ARSG: variants seen among roughly 807,000 people sequenced by gnomAD.
ARSG encodes the protein ASG.
ARSG carries 37 observed loss-of-function variants against 50.5 expected under a neutral mutation model. That is an observed-to-expected ratio of 0.73 (90% CI 0.56 to 0.96). The LOEUF is 0.96. ARSG is among the 50% of genes least tolerant of loss of function. The pLI is 0.00. For missense variants in ARSG, 629 were observed against 675.3 expected (o/e 0.93, Z 0.76); for synonymous variants, 225 against 254.6 (o/e 0.88, Z 1.11).
intron 2 of ARSG, among the ~76,000 whole-genome samples, chr17:68,309,279 G>A (rs896279738): frequency 7.9e-5 from 12 of 152,228 alleles, no homozygotes; most frequent in Non-Finnish European, 8.8e-5. Flanking sequence ...CCCAGTTCCC[G>A]CTCGCGCCTC....
Position 68,399,051 on chromosome 17 carries a change from G to C in ARSG, c.1213-2309G>C, listed in dbSNP as rs533867104. Among the ~76,000 whole-genome samples the C allele has an allele frequency of 3.3e-5, 5 of 152,308 alleles. No individual in the cohort carries two copies. In the East Asian group the frequency reaches 9.7e-4, roughly 29 times the overall value. On this transcript the variant is annotated intron_variant, in intron 10 of 11. Transcript: ENST00000621439. This position sits in a 1 kb window ranked among gnomAD's most constrained non-coding sequence, Gnocchi z 4.6. Reference sequence around the variant, plus strand: ...CCCCAGGTTGTCATGATCAGGTCCAGAAATTGTCAACGAAGGAACGTTTCC... The same window carrying C: ...CCCCAGGTTGTCATGATCAGGTCCACAAATTGTCAACGAAGGAACGTTTCC...
intron 11 of ARSG, among the ~76,000 whole-genome samples, chr17:68,401,960 G>T (rs751067118): frequency 6.6e-6 from 1 of 152,104 alleles, no homozygotes; most frequent in Non-Finnish European, 1.5e-5. Context: ...TCTTCCAATG[G>T]CTTCTTGCTG....
At chr17:68,375,643 A>C (rs1172832516) in intron 8 of ARSG, among the ~76,000 whole-genome samples, 1 of 152,206 alleles carries the variant, frequency 6.6e-6, no homozygotes, top group African/African-American at 2.4e-5. Context: ...AGTGGCTACC[A>C]TATTGGGTAG....
chr17:68,275,876 G>A (rs1162908471), intron 1 of ARSG, among the ~76,000 whole-genome samples: 4 of 151,522 alleles, frequency 2.6e-5, no homozygotes, highest in Admixed American at 1.3e-4. Context: ...CCAGCTACTC[G>A]GGAGGCTAAG....
chr17:68,401,732 TGTC>T lies in ARSG; in HGVS notation c.1303+285_1303+287del, dbSNP rs556951198. On this transcript the variant is annotated intron_variant, in intron 11 of 11. Coordinates refer to ENST00000621439, the MANE Select transcript of ARSG (RefSeq NM_001267727.2). ...TTTTCACATAGAGAGCATTTCCTAT[TGTC>T]GTGCTTTAAATGCCAGTTTGGATGA... is the stretch of plus-strand genomic sequence containing the variant. 1.2e-4 allele frequency among the ~76,000 whole-genome samples: 18 copies of T among 152,360 alleles called. No individual in the cohort carries two copies. The East Asian group carries it at 3.3e-3, about 28-fold the overall frequency.
chr17:68,321,626 G>A (rs2077287636), intron 2 of ARSG, among the ~76,000 whole-genome samples: 1 of 152,174 alleles, frequency 6.6e-6, no homozygotes, highest in Admixed American at 6.5e-5. Context: ...GCTTAACTTT[G>A]CAACGTTATG....
rs566192911 is a variant in ARSG, at chr17:68,365,452, C to G, written c.705-3096C>G. On this transcript the variant is annotated intron_variant, in intron 6 of 11. Coordinates refer to ENST00000621439, the MANE Select transcript of ARSG (RefSeq NM_001267727.2). ...AGTTAATTGTCCAGGGCTACACAGT[C>G]ATGAAATAACAAATCTGGAGGTTTG... is the stretch of plus-strand genomic sequence containing the variant. 3.3e-5 allele frequency among the ~76,000 whole-genome samples: 5 copies of G among 152,324 alleles called. No homozygotes were observed. In the East Asian group the frequency reaches 9.7e-4, roughly 29 times the overall value.
chr17:68,402,418 A>G, intron 11 of ARSG, among the ~76,000 whole-genome samples: 1 of 149,214 alleles, frequency 6.7e-6, no homozygotes, highest in East Asian at 2.0e-4. Flanking sequence ...CTAATTTTTT[A>G]ATTTTTAGTA....
At chr17:68,346,779 C>A in intron 3 of ARSG, 1 of 1,306,550 alleles carries the variant, frequency 7.7e-7, no homozygotes, top group Non-Finnish European at 1.0e-6. Context: ...TGCAGGGCCC[C>A]AGCGCGGGAG....
At chr17:68,295,974 C>T (rs188084379) in intron 1 of ARSG, among the ~76,000 whole-genome samples, 54 of 151,968 alleles carry the variant, frequency 3.6e-4, no homozygotes, top group African/African-American at 6.8e-4. Context: ...GCCACTGCTC[C>T]GGCCTAAAAA....
At chr17:68,398,908 G>A (rs1338985726) in intron 10 of ARSG, among the ~76,000 whole-genome samples, 2 of 152,216 alleles carry the variant, frequency 1.3e-5, no homozygotes, top group Non-Finnish European at 2.9e-5. Context: ...GGAGAGAGAT[G>A]AGGGCTGGGA....
intron 8 of ARSG, among the ~76,000 whole-genome samples, chr17:68,382,703 A>G (rs554484230): frequency 6.6e-6 from 1 of 152,360 alleles, no homozygotes; most frequent in East Asian, 1.9e-4. Flanking sequence ...ACCAGTGAGA[A>G]GCTGAGATTT....
At chr17:68,346,817 T>G in intron 3 of ARSG, 1 of 1,348,148 alleles carries the variant, frequency 7.4e-7, no homozygotes, top group South Asian at 1.2e-5. Flanking sequence ...CATGTGGGGT[T>G]GCTGTGTCTG....
intron 2 of ARSG, among the ~76,000 whole-genome samples, chr17:68,315,251 A>G (rs533781796): frequency 1.2e-3 from 183 of 152,276 alleles, no homozygotes; most frequent in African/African-American, 4.2e-3. Flanking sequence ...TGGCTGTCAA[A>G]GAGCAGGAGG....
intron 1 of ARSG, among the ~76,000 whole-genome samples, chr17:68,281,573 CAAATAAAT>C (rs549607371): frequency 1.3e-5 from 2 of 151,750 alleles, no homozygotes; most frequent in Admixed American, 1.3e-4. Flanking sequence ...GACTCTGTCT[CAAATAAAT>C]AAATAAATAA....
intron 8 of ARSG, among the ~76,000 whole-genome samples, chr17:68,371,645 T>C (rs1338984309): frequency 2.6e-5 from 4 of 152,178 alleles, no homozygotes; most frequent in Non-Finnish European, 5.9e-5. Context: ...CTGTAAGAAT[T>C]TGTCTTAAGG....
intron 1 of ARSG, among the ~76,000 whole-genome samples, chr17:68,280,696 A>G (rs1226355307): frequency 2.0e-5 from 3 of 152,228 alleles, no homozygotes; most frequent in Non-Finnish European, 2.9e-5. Flanking sequence ...AGAAGAAAAC[A>G]TAGGGGAAAC....
intron 11 of ARSG, among the ~76,000 whole-genome samples, chr17:68,409,343 T>G (rs990882263): frequency 2.0e-5 from 3 of 150,648 alleles, no homozygotes; most frequent in African/African-American, 7.3e-5. Context: ...TACATATGGC[T>G]AGCCAGTTTT....
At chr17:68,421,626 C>G (rs1041354713), downstream of ARSG, 1 of 1,129,112 alleles carries the variant, frequency 8.9e-7, no homozygotes, top group South Asian at 1.3e-5. Flanking sequence ...GAGGAGTTAA[C>G]CAGGTCCTGT....
Sources: gnomAD v4.1 joint callset for allele counts (sites outside exome capture counted in the v4.1 genomes callset) on GRCh38, gnomAD v4.1.1 for gene constraint, Gnocchi (gnomAD v3.1) non-coding constraint, MANE v1.5 for transcripts, NCBI Gene and HGNC (gene_info 2026-07-23, HGNC 2026-07-21) for gene names.